The following CCT6B variants were observed in gnomAD, a reference collection of about 807,000 sequenced individuals.
CCT6B encodes chaperonin containing TCP1 subunit 6B.
In CCT6B, 49 loss-of-function variants were observed where a neutral mutation model predicts 61.5. The observed-to-expected ratio is 0.80, with a 90% CI of 0.63 to 1.01. The LOEUF is 1.01. Among genes scored for constraint, CCT6B ranks in the 50% least tolerant of loss-of-function variants. The pLI, the probability that CCT6B is intolerant of heterozygous loss-of-function variation, is 0.00. For missense variants in CCT6B, 666 were observed against 634.7 expected, an observed-to-expected ratio of 1.05 and a Z score of -0.53; for synonymous variants, 228 against 214.5, an observed-to-expected ratio of 1.06 and a Z score of -0.55.
In CCT6B at chr17:34,929,029, G is replaced by A; in HGVS notation, c.1456C>T (p.Pro486Ser). ...ACTCCTGCATCTGCTGCTACCATTG[G>A]CTCACCTGAAAAGTAAAAACAATTT... is the stretch of plus-strand genomic sequence containing the variant. ...LVGVDLNTGE[P>S]MVAADAGVWD... The change falls in exon 13 of 14, where the codon CCA becomes TCA. Residue 486 changes from proline (P) to serine (S), a missense_variant. Pro to Ser is a moderately conservative substitution (Grantham distance 74). Coordinates refer to ENST00000314144, the MANE Select transcript of CCT6B (RefSeq NM_006584.4). The A allele has an allele frequency of 6.2e-7, 1 of 1,601,858 alleles. No individual in the cohort carries two copies. The highest frequency in any genetic ancestry group is 1.1e-5 in the South Asian group (1 of 89,476).
chr17:34,954,333 C>A, intron 4 of CCT6B, 93 bp downstream of exon 4: 5 of 978,312 alleles, frequency 5.1e-6, no homozygotes, highest in South Asian at 3.5e-5. Flanking sequence ...GCCCAAAAAA[C>A]CACATGAAAT....
At chr17:34,944,463 C>T (rs2090201324) in intron 5 of CCT6B, 1 of 152,222 alleles carries the variant, frequency 6.6e-6, no homozygotes, top group African/African-American at 2.4e-5. Context: ...TACAAAAAAT[C>T]CTTCTCCCTC....
chr17:34,953,270 C>T (rs1597758580), intron 4 of CCT6B, among the ~76,000 whole-genome samples: 1 of 150,234 alleles, frequency 6.7e-6, no homozygotes, highest in South Asian at 2.1e-4. Flanking sequence ...TCATTGCCAC[C>T]TGATAAAAGC....
In CCT6B at chr17:34,930,628, A is replaced by AATTC. The variant is rs552666774; in HGVS notation, c.1450+317_1450+320dup. Reference sequence around the variant, plus strand: ...TATTATAGCACTCTTTTTTCCATATAATTCATTACTTTTTCTAAAATGCTG... The same window carrying AATTC: ...TATTATAGCACTCTTTTTTCCATATAATTCATTCATTACTTTTTCTAAAATGCTG... On this transcript the variant is annotated intron_variant, in intron 12 of 13. Coordinates refer to ENST00000314144, the MANE Select transcript of CCT6B (RefSeq NM_006584.4). 3.0e-4 allele frequency among the ~76,000 whole-genome samples: 46 copies of AATTC among 152,090 alleles called. No individual in the cohort carries two copies. In the South Asian group the frequency reaches 9.1e-3, roughly 30 times the overall value.
At position 34,932,833 on chromosome 17, in the gene CCT6B, C is replaced by G. The variant is rs986317452; in HGVS notation, c.1214-333G>C. Among the ~76,000 whole-genome samples the G allele has an allele frequency of 5.3e-5, 8 of 152,012 alleles. No individual in the cohort carries two copies. In the East Asian group the frequency reaches 1.5e-3, roughly 29 times the overall value. Reference sequence around the variant, plus strand: ...GTTTTACTCCATCACCCAGGCTGTACTGTAGTGGCATGATCTTGACTCACT... The same window carrying G: ...GTTTTACTCCATCACCCAGGCTGTAGTGTAGTGGCATGATCTTGACTCACT... On this transcript the variant is annotated intron_variant, in intron 10 of 13. Transcript: ENST00000314144.
chr17:34,931,330 CA>C (rs2090033209), intron 11 of CCT6B, among the ~76,000 whole-genome samples: 1 of 152,112 alleles, frequency 6.6e-6, no homozygotes, highest in Admixed American at 6.6e-5. Context: ...TCCCTCCTTG[CA>C]AAAGGTTTGT....
At chr17:34,955,076 C>G (rs1194529063) in intron 3 of CCT6B, among the ~76,000 whole-genome samples, 1 of 152,180 alleles carries the variant, frequency 6.6e-6, no homozygotes, top group African/African-American at 2.4e-5. Context: ...TTTTGGCCAA[C>G]AATCTGTAAC....
At chr17:34,936,285 A>G (rs1181645432) in intron 10 of CCT6B, among the ~76,000 whole-genome samples, 6 of 152,168 alleles carry the variant, frequency 3.9e-5, no homozygotes, top group Non-Finnish European at 8.8e-5. Flanking sequence ...TCAGCAAACT[A>G]GGTGCAGAAG....
chr17:34,949,095 G>GGGAAGGAAAAGAAAA (rs1555550302), intron 5 of CCT6B, among the ~76,000 whole-genome samples: 5 of 86,270 alleles, frequency 5.8e-5, no homozygotes, highest in African/African-American at 2.0e-4. Flanking sequence ...GGGAGGGGAG[G>GGGAAGGAAAAGAAAA]GAAAAGAAAA....
Position 34,939,321 on chromosome 17 carries a change from T to C in CCT6B, c.1075A>G (p.Lys359Glu). 1 of 1,612,778 alleles carries C rather than the reference T, an allele frequency of 6.2e-7. No individual in the cohort carries two copies. The highest frequency in any genetic ancestry group is 1.1e-5 in the South Asian group (1 of 90,758). ...LVYEYTLGEE[K>E]FTFIEECVNP... ...ACACACTCCTCAATAAAAGTGAACTTTTCTTCACCCTAAAGGGTGGCACAA... is the reference window on the plus strand; with the variant it reads ...ACACACTCCTCAATAAAAGTGAACTCTTCTTCACCCTAAAGGGTGGCACAA... The change falls in exon 10 of 14, where the codon AAG becomes GAG. Residue 359 changes from lysine (K) to glutamate (E), a missense_variant. By Grantham distance (56) the Lys-to-Glu change is moderately conservative (BLOSUM62 1). Transcript: ENST00000314144.
chr17:34,933,811 A>T (rs1360623570), intron 10 of CCT6B, among the ~76,000 whole-genome samples: 3 of 152,254 alleles, frequency 2.0e-5, no homozygotes, highest in South Asian at 2.1e-4. Flanking sequence ...TTCTCAAACT[A>T]ATGACCCCAG....
At chr17:34,945,671 C>T (rs993851897) in intron 5 of CCT6B, among the ~76,000 whole-genome samples, 4 of 152,056 alleles carry the variant, frequency 2.6e-5, no homozygotes, top group Admixed American at 2.0e-4. Flanking sequence ...GTGTGTATTC[C>T]CCACACAAAA....
At chr17:34,932,070 T>C (rs1438299625) in intron 11 of CCT6B, among the ~76,000 whole-genome samples, 1 of 152,202 alleles carries the variant, frequency 6.6e-6, no homozygotes, top group East Asian at 1.9e-4. Flanking sequence ...ACTTTTTCAT[T>C]ATGATTAGTT....
chr17:34,948,483 G>A (rs2090250756), intron 5 of CCT6B, among the ~76,000 whole-genome samples: 1 of 152,114 alleles, frequency 6.6e-6, no homozygotes, highest in African/African-American at 2.4e-5. Flanking sequence ...GGGAGGCCGA[G>A]GAGGGTGGAT....
At chr17:34,934,134 G>GAAAAAAA (rs1280861242) in intron 10 of CCT6B, among the ~76,000 whole-genome samples, 9 of 75,580 alleles carry the variant, frequency 1.2e-4, no homozygotes, top group East Asian at 4.0e-4. Flanking sequence ...GTTTCAAAAA[G>GAAAAAAA]AAAAAAAAAA....
intron 2 of CCT6B, 138 bp downstream of exon 2, chr17:34,959,449 A>C (rs2090386734): frequency 1.7e-6 from 1 of 589,796 alleles, no homozygotes; most frequent in Non-Finnish European, 2.9e-6. Flanking sequence ...TTTTTTATTG[A>C]GGTCTAATTC....
intron 5 of CCT6B, among the ~76,000 whole-genome samples, chr17:34,951,393 G>A (rs2090290369): frequency 6.6e-6 from 1 of 152,204 alleles, no homozygotes; most frequent in Admixed American, 6.5e-5. Context: ...TCATATGTTA[G>A]AAATTGATAA....
At chr17:34,938,501 A>G (rs2090120095) in intron 10 of CCT6B, among the ~76,000 whole-genome samples, 1 of 152,144 alleles carries the variant, frequency 6.6e-6, no homozygotes, top group African/African-American at 2.4e-5. Context: ...GGCTGCAGTG[A>G]GCCATGATTG....
chr17:34,952,648 G>A (rs1367036035), intron 4 of CCT6B, among the ~76,000 whole-genome samples: 1 of 152,102 alleles, frequency 6.6e-6, no homozygotes, highest in East Asian at 1.9e-4. Context: ...CATTTATTCT[G>A]TCACATATGA....
Sources: allele counts gnomAD v4.1 joint callset (sites outside exome capture counted in the v4.1 genomes callset), GRCh38; gene constraint gnomAD v4.1.1; transcripts MANE v1.5; gene names NCBI Gene and HGNC (gene_info 2026-07-23, HGNC 2026-07-21).